The following ADAM19 variants were observed in gnomAD, a reference collection of about 807,000 sequenced individuals.
ADAM19 encodes the protein disintegrin and metalloproteinase domain-containing protein 19.
ADAM19 carries 65 observed loss-of-function variants against 114.7 expected under a neutral mutation model. That is an observed-to-expected ratio of 0.57 (90% CI 0.46 to 0.70). The LOEUF (loss-of-function observed/expected upper bound fraction) is 0.70. Among genes scored for constraint, ADAM19 ranks in the 30% least tolerant of loss-of-function variants. The pLI, the probability that ADAM19 is intolerant of heterozygous loss-of-function variation, is 0.00. For synonymous variants in ADAM19, 466 were observed against 460.5 expected (o/e 1.01, Z -0.15); for missense variants, 1,063 against 1,204.7 (o/e 0.88, Z 1.74).
At chr5:157,539,078 G>T (rs754834264) in intron 3 of ADAM19, among the ~76,000 whole-genome samples, 1 of 151,728 alleles carries the variant, frequency 6.6e-6, no homozygotes, top group Non-Finnish European at 1.5e-5. Context: ...GCTTGAACCT[G>T]GGGGGTGGAG....
intron 8 of ADAM19, among the ~76,000 whole-genome samples, chr5:157,510,265 G>A (rs547653227): frequency 3.3e-5 from 5 of 152,236 alleles, no homozygotes; most frequent in African/African-American, 9.6e-5. Context: ...ACATGAGGTC[G>A]GGAGTTCGAG....
rs1754724135 is a variant in ADAM19, at chr5:157,480,879, G to A, written c.*70C>T. On this transcript the variant is annotated 3_prime_UTR_variant, in exon 23 of 23. Transcript: ENST00000257527. Reference sequence around the variant, plus strand: ...GAGGCGGCCAGACATGCTTCTTCAGGGTTCCATGGCCATGGGTCCTCTGCA... The same window carrying A: ...GAGGCGGCCAGACATGCTTCTTCAGAGTTCCATGGCCATGGGTCCTCTGCA... The A allele has an allele frequency of 1.9e-6, 3 of 1,608,718 alleles. No individual in the cohort carries two copies. Among genetic ancestry groups the A allele is most frequent in the Non-Finnish European group, 2.5e-6 (3 of 1,178,052 alleles).
At chr5:157,519,097 AC>A (rs1482152185) in intron 6 of ADAM19, among the ~76,000 whole-genome samples, 1 of 152,156 alleles carries the variant, frequency 6.6e-6, no homozygotes, top group African/African-American at 2.4e-5. Flanking sequence ...CTGCTCTGGG[AC>A]CCTGGATTCA....
intron 3 of ADAM19, among the ~76,000 whole-genome samples, chr5:157,558,443 T>A (rs758434624): frequency 5.3e-5 from 8 of 152,214 alleles, no homozygotes; most frequent in Non-Finnish European, 1.0e-4. Context: ...TCTTGAGCCA[T>A]GTGTATTTTA....
At chr5:157,504,673 C>T (rs1217658738) in intron 11 of ADAM19, among the ~76,000 whole-genome samples, 1 of 152,116 alleles carries the variant, frequency 6.6e-6, no homozygotes, top group Non-Finnish European at 1.5e-5. Context: ...CATAAACAGG[C>T]CCTAATGGTG....
intron 4 of ADAM19, among the ~76,000 whole-genome samples, chr5:157,533,456 G>C (rs1013334293): frequency 1.3e-5 from 2 of 152,156 alleles, no homozygotes; most frequent in Non-Finnish European, 2.9e-5. Flanking sequence ...CTACCCGTGG[G>C]ATCTGGGATT....
chr5:157,544,438 G>T (rs1057229053), intron 3 of ADAM19, among the ~76,000 whole-genome samples: 19 of 152,316 alleles, frequency 1.2e-4, no homozygotes, highest in Admixed American at 5.2e-4. Context: ...TTCTGGTCCT[G>T]TGTTTTGCTT....
At chr5:157,500,899 A>T (rs1755541300) in intron 12 of ADAM19, among the ~76,000 whole-genome samples, 1 of 152,182 alleles carries the variant, frequency 6.6e-6, no homozygotes, top group Non-Finnish European at 1.5e-5. Flanking sequence ...CCACAGCCTT[A>T]TGAGGCAGCC....
Position 157,575,645 on chromosome 5 carries a change from G to T in ADAM19, c.52C>A (p.Gln18Lys). 7.0e-7 allele frequency: 1 copy of T among 1,427,288 alleles called. No homozygotes were observed. Among genetic ancestry groups the T allele is most frequent in the Non-Finnish European group, 9.1e-7 (1 of 1,097,338 alleles). 88.4% of individuals were successfully genotyped at this position (1,427,288 alleles called of 1,614,324 possible). Reference protein sequence around the residue: ...ARLCLLAFALQPLRPRAAREP... With the variant: ...ARLCLLAFALKPLRPRAAREP... ...CGCGCCGCCCGCGGCCGGAGGGGCTGCAGGGCAAACGCCAGCAAGCAGAGC... is the reference window on the plus strand; with the variant it reads ...CGCGCCGCCCGCGGCCGGAGGGGCTTCAGGGCAAACGCCAGCAAGCAGAGC... Residue 18 changes from glutamine to lysine, a missense_variant, in exon 1 of 23, where the codon CAG (glutamine) becomes AAG (lysine). By Grantham distance (53) the Gln-to-Lys change is moderately conservative. Around this residue, in one of 3 missense-constraint regions of ADAM19, gnomAD observed 615 missense variants for 706.3 expected, o/e 0.87. Transcript: ENST00000257527.
rs555367512 is a variant in ADAM19, at chr5:157,569,505, T to C, written c.180+1390A>G. Among the ~76,000 whole-genome samples, 48 of 147,604 alleles carry C rather than the reference T, an allele frequency of 3.3e-4. No individual in the cohort carries two copies. The South Asian group carries it at 8.6e-3, about 26-fold the overall frequency. On this transcript the variant is annotated intron_variant, in intron 2 of 22. Transcript: ENST00000257527. ...AATTCCTGGCCTCAAATGATCCTCC[T>C]GCCTCAGCCTCCCAAAGTGCTGGGA...
At position 157,491,681 on chromosome 5, in the gene ADAM19, C is replaced by CCCAAA; in HGVS notation, c.2028_2029insTTTGG (p.Ala677PhefsTer30). The CCCAAA allele has an allele frequency of 6.3e-7, 1 of 1,580,762 alleles. No homozygotes were observed. Among genetic ancestry groups the CCCAAA allele is most frequent in the Non-Finnish European group, 8.6e-7 (1 of 1,161,936 alleles). ...CCCGGTGTGTTGCAGAAGGGCGGGGCCCAGCCCGGCAGGCAGTGGCAGTTC... is the reference window on the plus strand; with the variant it reads ...CCCGGTGTGTTGCAGAAGGGCGGGGCCCAAACCAGCCCGGCAGGCAGTGGCAGTTC... On this transcript the variant is annotated frameshift_variant, in exon 18 of 23. Transcript: ENST00000257527. LOFTEE classifies it high-confidence loss of function.
At chr5:157,563,166 T>C (rs1403335620) in intron 3 of ADAM19, among the ~76,000 whole-genome samples, 1 of 151,826 alleles carries the variant, frequency 6.6e-6, no homozygotes, top group Non-Finnish European at 1.5e-5. Flanking sequence ...GCTGGCCAGG[T>C]CTATTCCAGG....
At chr5:157,528,345 T>A (rs1421452732) in intron 5 of ADAM19, among the ~76,000 whole-genome samples, 1 of 152,170 alleles carries the variant, frequency 6.6e-6, no homozygotes, top group Non-Finnish European at 1.5e-5. Flanking sequence ...GCTGCTGGAA[T>A]GATTTACAAG....
chr5:157,482,868 A>G (rs1036299302), intron 21 of ADAM19, among the ~76,000 whole-genome samples: 4 of 152,222 alleles, frequency 2.6e-5, no homozygotes, highest in African/African-American at 9.7e-5. Flanking sequence ...ATGGAATACT[A>G]TGCAGCCATA....
At chr5:157,492,124 T>C (rs928347520) in intron 16 of ADAM19, among the ~76,000 whole-genome samples, 2 of 152,146 alleles carry the variant, frequency 1.3e-5, no homozygotes, top group African/African-American at 2.4e-5. Context: ...AAACTCCATC[T>C]CTACGAAAAA....
chr5:157,478,684 G>T lies in ADAM19; in HGVS notation c.*2265C>A. On this transcript the variant is annotated 3_prime_UTR_variant, in exon 23 of 23. Transcript: ENST00000257527. ...GCATTAGTAGAACTGGTTGCCGAAAGTCTATCAAATTCCAAAACATTCCAC... is the reference window on the plus strand; with the variant it reads ...GCATTAGTAGAACTGGTTGCCGAAATTCTATCAAATTCCAAAACATTCCAC... 1 of 985,882 alleles carries T rather than the reference G, an allele frequency of 1.0e-6. No homozygotes were observed. Among genetic ancestry groups the T allele is most frequent in the Non-Finnish European group, 1.2e-6 (1 of 829,948 alleles). 61.1% of individuals were successfully genotyped at this position (985,882 alleles called of 1,614,324 possible).
chr5:157,525,281 A>T (rs1304695997), intron 5 of ADAM19, among the ~76,000 whole-genome samples: 1 of 152,202 alleles, frequency 6.6e-6, no homozygotes, highest in Non-Finnish European at 1.5e-5. Flanking sequence ...CAAAGGTGGA[A>T]AGGACTTGCC....
At chr5:157,487,660 G>A (rs1754985825) in intron 21 of ADAM19, among the ~76,000 whole-genome samples, 1 of 136,010 alleles carries the variant, frequency 7.4e-6, no homozygotes, top group Admixed American at 7.3e-5. Context: ...GAGCACCAGG[G>A]CTGGTGGGGG....
chr5:157,571,413 G>C (rs1419431485), intron 1 of ADAM19, among the ~76,000 whole-genome samples: 1 of 152,144 alleles, frequency 6.6e-6, no homozygotes, highest in Non-Finnish European at 1.5e-5. Context: ...GGCCCTGCCT[G>C]AGCAGAAGTG....
Sources: allele counts gnomAD v4.1 joint callset (sites outside exome capture counted in the v4.1 genomes callset), GRCh38; gene constraint gnomAD v4.1.1; regional missense constraint gnomAD v4.1.1; transcripts MANE v1.5; gene names NCBI Gene and HGNC (gene_info 2026-07-23, HGNC 2026-07-21).